The following NOD1 variants were observed in gnomAD, a reference collection of about 807,000 sequenced individuals.
NOD1 encodes nucleotide-binding oligomerization domain-containing protein 1.
In NOD1, 70 loss-of-function variants were observed where a neutral mutation model predicts 81.2. That is an observed-to-expected ratio of 0.86 (90% CI 0.71 to 1.05). The LOEUF is 1.05. Ranked by LOEUF, NOD1 falls within the 50% of genes least tolerant of loss-of-function variation. NOD1 has a pLI of 0.00. For missense variants in NOD1, 1,233 were observed against 1,228.0 expected (o/e 1.00, Z -0.06); for synonymous variants, 508 against 526.9 (o/e 0.96, Z 0.49).
At chr7:30,427,586 G>C (rs79068688) in intron 13 of NOD1, among the ~76,000 whole-genome samples, 4,331 of 152,260 alleles carry the variant, frequency 0.028, 194 homozygotes, top group African/African-American at 0.099. Flanking sequence ...AGGGACCTAA[G>C]TGAAGACACT....
At chr7:30,472,656 C>T (rs974317393) in intron 1 of NOD1, among the ~76,000 whole-genome samples, 3 of 152,180 alleles carry the variant, frequency 2.0e-5, no homozygotes, top group Non-Finnish European at 4.4e-5. Flanking sequence ...TAAATGAGGT[C>T]GTGGGGGTGG....
At chr7:30,468,586 T>C (rs1787943781) in intron 1 of NOD1, among the ~76,000 whole-genome samples, 1 of 152,226 alleles carries the variant, frequency 6.6e-6, no homozygotes, top group Non-Finnish European at 1.5e-5. Flanking sequence ...TAGGAATAGA[T>C]AACTGATATT....
rs1170516227 is a variant in NOD1, at chr7:30,456,924, T to C, written c.-3A>G. ...TCACTGTGGCCCTGCTCTTCCATAG[T>C]TAAAGTAGCAAGCGGCTACTTTTCC... is the stretch of plus-strand genomic sequence containing the variant. On this transcript the variant is annotated 5_prime_UTR_variant, in exon 4 of 14. Transcript: ENST00000222823. 1 of 1,613,802 alleles carries C rather than the reference T, an allele frequency of 6.2e-7. No homozygotes were observed. Among genetic ancestry groups the C allele is most frequent in the Admixed American group, 1.7e-5 (1 of 60,024 alleles).
intron 10 of NOD1, among the ~76,000 whole-genome samples, chr7:30,436,477 ACT>A (rs1214680178): frequency 6.6e-6 from 1 of 152,046 alleles, no homozygotes; most frequent in Non-Finnish European, 1.5e-5. Context: ...ACCTTCTTGG[ACT>A]CTTTTTCAGT....
At chr7:30,435,488 G>A (rs1012024387) in intron 11 of NOD1, among the ~76,000 whole-genome samples, 1 of 152,156 alleles carries the variant, frequency 6.6e-6, no homozygotes, top group African/African-American at 2.4e-5. Flanking sequence ...GGCTCCCGGA[G>A]CCCACTTCCT....
chr7:30,468,100 C>G (rs1415010884), intron 1 of NOD1, among the ~76,000 whole-genome samples: 1 of 152,110 alleles, frequency 6.6e-6, no homozygotes, highest in Non-Finnish European at 1.5e-5. Flanking sequence ...TAATCAGTCC[C>G]CACAAAAATA....
chr7:30,451,720 TG>T lies in NOD1; in HGVS notation c.1696del (p.Gln566SerfsTer48). On this transcript the variant is annotated frameshift_variant, in exon 6 of 14. Coordinates refer to ENST00000222823, the MANE Select transcript of NOD1 (RefSeq NM_006092.4). LOFTEE classifies it high-confidence loss of function. The surrounding 1 kb of genome is among the most constrained non-coding windows in gnomAD (Gnocchi z 4.2). ...CGCCGGACCACTGCCCTGCAGGCAC[TG>T]GAACGGGAGGAAGGGAGGATAGCAG... ...TSCYPPFLPF[Q>X]CLQGSGPARE... 6.2e-7 allele frequency: 1 copy of T among 1,613,864 alleles called. No homozygotes were observed. The highest frequency in any genetic ancestry group is 1.1e-5 in the South Asian group (1 of 91,088).
At chr7:30,430,131 A>T (rs1045940543) in intron 12 of NOD1, among the ~76,000 whole-genome samples, 2 of 152,222 alleles carry the variant, frequency 1.3e-5, no homozygotes, top group African/African-American at 4.8e-5. Context: ...AAGGCAAGGC[A>T]GGTTTTAAAG....
intron 5 of NOD1, among the ~76,000 whole-genome samples, chr7:30,454,167 G>GAAC (rs2128060949): frequency 6.6e-6 from 1 of 152,366 alleles, no homozygotes; most frequent in South Asian, 2.1e-4. Context: ...TTTCCCCTAA[G>GAAC]CACACACCTG....
intron 1 of NOD1, chr7:30,469,327 C>A (rs570810401): frequency 1.2e-6 from 1 of 813,088 alleles, no homozygotes; most frequent in South Asian, 5.6e-5. Flanking sequence ...AGCACTTAAT[C>A]CCTCAGAATT....
At chr7:30,447,157 A>G (rs750037850) in intron 7 of NOD1, 107 bp from the exon 8 acceptor site, 40 of 1,587,026 alleles carry the variant, frequency 2.5e-5, no homozygotes, top group Non-Finnish European at 3.4e-5. Flanking sequence ...GTCTGGGTTG[A>G]AAGGGGAACA....
chr7:30,432,105 C>A (rs1050008177), intron 12 of NOD1, among the ~76,000 whole-genome samples: 3 of 150,992 alleles, frequency 2.0e-5, no homozygotes, highest in Non-Finnish European at 4.4e-5. Context: ...GACTCCATCT[C>A]AAAAAAAACA....
intron 9 of NOD1, among the ~76,000 whole-genome samples, chr7:30,439,392 T>G (rs56321585): frequency 0.19 from 24,154 of 129,206 alleles, 2,622 homozygotes; most frequent in Admixed American, 0.24. Context: ...CAGGCCAGTG[T>G]GTGCGCGCAC....
chr7:30,469,818 C>T (rs527441170), intron 1 of NOD1, among the ~76,000 whole-genome samples: 38 of 152,242 alleles, frequency 2.5e-4, no homozygotes, highest in Admixed American at 8.5e-4. Context: ...GCATCCAAGT[C>T]TCCTGGCTGC....
intron 1 of NOD1, chr7:30,463,720 C>T (rs886514743): frequency 1.4e-5 from 2 of 146,780 alleles, no homozygotes; most frequent in African/African-American, 5.2e-5. Context: ...AAAAAAAAAA[C>T]ATTTTATAAA....
rs2906773 is a variant in NOD1 at position 30,467,028 on chromosome 7, C to T, written c.-351-6987G>A. Among the ~76,000 whole-genome samples, 69,229 of 152,040 alleles carry T rather than the reference C, an allele frequency of 0.46. 16,810 individuals are homozygous for T. Among genetic ancestry groups the T allele is most frequent in the African/African-American group, 0.63 (26,046 of 41,452 alleles). On this transcript the variant is annotated intron_variant, in intron 1 of 13. Coordinates refer to ENST00000222823, the MANE Select transcript of NOD1 (RefSeq NM_006092.4). This position sits in a 1 kb window ranked among gnomAD's most constrained non-coding sequence, Gnocchi z 4.5. ...TGTTAGAATTACTGGGTTGGTATCC[C>T]TAAAAGCCAAGCCGACCAGTGATGA...
chr7:30,471,494 G>A (rs1788269824), intron 1 of NOD1, among the ~76,000 whole-genome samples: 1 of 152,242 alleles, frequency 6.6e-6, no homozygotes, highest in Non-Finnish European at 1.5e-5. Flanking sequence ...ACACAGTGGA[G>A]GCTTTTCCTG....
chr7:30,452,750 G>T lies in NOD1; in HGVS notation c.667C>A (p.Arg223=). ...AAGAATTTGACCCCTGCGTCTAGCC[G>T]GCCCGTGGCCCAGAGGCTCTGCAGC... ...QRLQSLWATG[R]LDAGVKFFFH... Residue 223 remains arginine, a synonymous_variant, in exon 6 of 14, where the codon CGG becomes AGG. Transcript: ENST00000222823. 1 of 1,614,038 alleles carries T rather than the reference G, an allele frequency of 6.2e-7. No individual in the cohort carries two copies. The highest frequency in any genetic ancestry group is 2.2e-5 in the East Asian group (1 of 44,886).
rs1045553248 is a variant in NOD1, at chr7:30,425,451, C to T, written c.*187G>A. The T allele has an allele frequency of 3.6e-5, 22 of 610,656 alleles. No homozygotes were observed. Among genetic ancestry groups the T allele is most frequent in the Non-Finnish European group, 5.9e-5 (20 of 339,484 alleles). 37.8% of individuals were successfully genotyped at this position (610,656 alleles called of 1,614,324 possible). On this transcript the variant is annotated 3_prime_UTR_variant, in exon 14 of 14. Transcript: ENST00000222823. The stretch of plus-strand genomic sequence containing the variant: ...ACATTCTTTTTCTGCAGAATTGTAG[C>T]GGGTACTTAGGGAGTTTGCCGACCA...
Sources: gnomAD v4.1 joint callset for allele counts (sites outside exome capture counted in the v4.1 genomes callset) on GRCh38, gnomAD v4.1.1 for gene constraint, Gnocchi (gnomAD v3.1) non-coding constraint, MANE v1.5 for transcripts, NCBI Gene and HGNC (gene_info 2026-07-23, HGNC 2026-07-21) for gene names.